The following MDN1 variants were observed in gnomAD, a reference collection of about 807,000 sequenced individuals.
The protein encoded by MDN1 is midasin AAA ATPase 1.
Under a neutral mutation model 669.2 loss-of-function variants are expected in MDN1, and 266 were observed. That is an observed-to-expected ratio of 0.40 (90% CI 0.36 to 0.44). MDN1 has a LOEUF of 0.44. MDN1 is among the 20% of genes least tolerant of loss of function. The pLI, the probability that MDN1 is intolerant of heterozygous loss-of-function variation, is 1.00. For missense variants in MDN1, 5,940 were observed against 6,754.0 expected, an observed-to-expected ratio of 0.88 and a Z score of 4.22; for synonymous variants, 2,385 against 2,457.1, an observed-to-expected ratio of 0.97 and a Z score of 0.87.
At chr6:89,649,655 AT>A (rs201350197) in intron 97 of MDN1, among the ~76,000 whole-genome samples, 51 of 151,262 alleles carry the variant, frequency 3.4e-4, no homozygotes, top group African/African-American at 1.0e-3. Flanking sequence ...GAAAACTTTG[AT>A]TTTTTTTTTA....
chr6:89,802,324 C>T (rs1216201954), intron 2 of MDN1, among the ~76,000 whole-genome samples: 2 of 152,182 alleles, frequency 1.3e-5, no homozygotes, highest in African/African-American at 4.8e-5. Context: ...AGATATCATA[C>T]TTCCAAGAAA....
At chr6:89,803,290 C>T (rs372323249) in intron 2 of MDN1, 38 bp downstream of exon 2, 11 of 1,572,342 alleles carry the variant, frequency 7.0e-6, no homozygotes, top group South Asian at 6.6e-5. Flanking sequence ...GGTTCTATCA[C>T]CTCAAGGAGA....
chr6:89,710,959 T>A (rs1323495464), intron 49 of MDN1, among the ~76,000 whole-genome samples, 165 bp from the exon 50 acceptor site: 1 of 152,246 alleles, frequency 6.6e-6, no homozygotes, highest in African/African-American at 2.4e-5. Context: ...TTTATTTTTT[T>A]AAATCTAATC....
Position 89,706,159 on chromosome 6 carries a change from A to T in MDN1, c.8048T>A (p.Ile2683Asn). Residue 2683 changes from isoleucine to asparagine, a missense_variant, in exon 53 of 102, where the codon ATT (isoleucine) becomes AAT (asparagine). Around this residue, in one of 5 missense-constraint regions of MDN1, gnomAD observed 2,292 missense variants for 2,638.3 expected, o/e 0.87. Transcript: ENST00000369393. ...PESYHTLPHE[I>N]VVNLAAFFEL... The stretch of plus-strand genomic sequence containing the variant: ...AAAAAAAGCAGCAAGATTGACCACA[A>T]TTTCATGGGGCAGAGTGTGATAGCT... The T allele has an allele frequency of 3.1e-6, 5 of 1,613,774 alleles. No individual in the cohort carries two copies. The highest frequency in any genetic ancestry group is 4.2e-6 in the Non-Finnish European group (5 of 1,179,742).
chr6:89,674,606 A>C lies in MDN1; in HGVS notation c.12762-17T>G. The C allele has an allele frequency of 1.3e-6, 2 of 1,512,860 alleles. No homozygotes were observed. The highest frequency in any genetic ancestry group is 1.8e-6 in the Non-Finnish European group (2 of 1,139,022). 93.7% of individuals were successfully genotyped at this position (1,512,860 alleles called of 1,614,324 possible). A position where few individuals can be genotyped will look rare whatever the true frequency, so the allele number is the denominator to read the frequency against. The stretch of plus-strand genomic sequence containing the variant: ...AGGAGGTTCCTGTACAGAGAAACCC[A>C]TGGGAAAAACACAATGAATGGCACC... On this transcript the variant is annotated splice_polypyrimidine_tract_variant and intron_variant, in intron 78 of 101. Coordinates refer to ENST00000369393, the MANE Select transcript of MDN1 (RefSeq NM_014611.3).
rs115109037 is a variant in MDN1 at position 89,714,672 on chromosome 6, C to G, written c.6940G>C (p.Gly2314Arg). ...TCTGGGGTGCTTGCATCCCCTTCCC[C>G]TGAAATGTAGATTTCAAGTCCACGA... is the stretch of plus-strand genomic sequence containing the variant. ...RNRGLEIYIS[G>R]EGDASTPDNL... Residue 2314 changes from glycine to arginine, a missense_variant, in exon 46 of 102, where the codon GGG becomes CGG. Transcript: ENST00000369393. 1.9e-4 allele frequency: 302 copies of G among 1,614,114 alleles called. 2 individuals are homozygous for G. The African/African-American group carries it at 3.6e-3, about 19-fold the overall frequency.
At chr6:89,737,943 C>T (rs1002705241) in intron 33 of MDN1, among the ~76,000 whole-genome samples, 17 of 152,062 alleles carry the variant, frequency 1.1e-4, no homozygotes, top group African/African-American at 3.9e-4. Context: ...AGGCTGCTCT[C>T]GAACTCCTGA....
In MDN1 at chr6:89,678,623, G is replaced by T; in HGVS notation, c.12388C>A (p.Leu4130Ile). The T allele has an allele frequency of 4.3e-6, 7 of 1,614,082 alleles. No individual in the cohort carries two copies. The highest frequency in any genetic ancestry group is 5.9e-6 in the Non-Finnish European group (7 of 1,179,998). ...CCAATTTTTGCAAGGTGTTTAAAGA[G>T]GTCTGACAAAGCTCGCTGTTTTTGC... is the stretch of plus-strand genomic sequence containing the variant. ...LMQKQRALSDLFKHLAKIGLS... is the reference protein window; with the variant it reads ...LMQKQRALSDIFKHLAKIGLS... The change falls in exon 75 of 102, where the codon CTC (leucine) becomes ATC (isoleucine). Residue 4130 changes from leucine (L) to isoleucine (I), a missense_variant. Leu to Ile is a conservative substitution (Grantham distance 5). This residue lies in a region of MDN1 where 2,280 missense variants were observed against 2,576.3 expected (regional missense o/e 0.88). Coordinates refer to ENST00000369393, the MANE Select transcript of MDN1 (RefSeq NM_014611.3).
chr6:89,792,815 C>T (rs984643657), intron 5 of MDN1, among the ~76,000 whole-genome samples: 5 of 151,650 alleles, frequency 3.3e-5, no homozygotes, highest in Non-Finnish European at 7.4e-5. Flanking sequence ...GTCAGGCATT[C>T]GAGACCAGGC....
chr6:89,782,519 G>C (rs1818728410), intron 9 of MDN1, among the ~76,000 whole-genome samples: 1 of 151,974 alleles, frequency 6.6e-6, no homozygotes, highest in Non-Finnish European at 1.5e-5. Context: ...CTAAGCCTGA[G>C]AGGTTGAGGC....
At chr6:89,678,322 C>T (rs1396873632) in intron 75 of MDN1, among the ~76,000 whole-genome samples, 2 of 152,038 alleles carry the variant, frequency 1.3e-5, no homozygotes, top group Non-Finnish European at 2.9e-5. Context: ...CAGAGCGAGA[C>T]TCAGTCTCAA....
At chr6:89,691,408 C>A (rs1812370268) in intron 63 of MDN1, among the ~76,000 whole-genome samples, 1 of 152,194 alleles carries the variant, frequency 6.6e-6, no homozygotes, top group East Asian at 1.9e-4. Context: ...AAGCACCCAC[C>A]ATCTAGGAAG....
At chr6:89,739,033 T>G (rs1316583366) in intron 32 of MDN1, among the ~76,000 whole-genome samples, 1 of 152,238 alleles carries the variant, frequency 6.6e-6, no homozygotes, top group Non-Finnish European at 1.5e-5. Flanking sequence ...ATGTTTGCAA[T>G]GCCACATAAG....
At chr6:89,668,232 C>A (rs1041372857) in intron 83 of MDN1, 81 bp from the exon 84 acceptor site, 6 of 1,522,738 alleles carry the variant, frequency 3.9e-6, no homozygotes, top group Non-Finnish European at 5.4e-6. Flanking sequence ...CACAGGAAAA[C>A]AATTTAAACA....
Position 89,643,863 on chromosome 6 carries a change from G to C in MDN1, c.*142C>G. 1 of 736,732 alleles carries C rather than the reference G, an allele frequency of 1.4e-6. No homozygotes were observed. Among genetic ancestry groups the C allele is most frequent in the Non-Finnish European group, 2.0e-6 (1 of 488,432 alleles). 45.6% of individuals were successfully genotyped at this position (736,732 alleles called of 1,614,324 possible). On this transcript the variant is annotated 3_prime_UTR_variant, in exon 102 of 102. Coordinates refer to ENST00000369393, the MANE Select transcript of MDN1 (RefSeq NM_014611.3). ...CCCAGGCAAAGCCGGGAGCCAGAGA[G>C]CATTCTGTAGGCTGTAAGATCACGT...
intron 12 of MDN1, among the ~76,000 whole-genome samples, 162 bp from the exon 13 acceptor site, chr6:89,774,895 T>C (rs953863492): frequency 5.3e-5 from 8 of 152,218 alleles, no homozygotes; most frequent in Admixed American, 4.6e-4. Context: ...TCTTTTTTCA[T>C]TTTCCAAACT....
intron 68 of MDN1, 120 bp from the exon 69 acceptor site, chr6:89,687,143 C>A: frequency 7.2e-7 from 1 of 1,394,524 alleles, no homozygotes; most frequent in Non-Finnish European, 9.8e-7. Flanking sequence ...GAGGAGCCAC[C>A]CAGTTTCCTC....
chr6:89,781,840 A>G (rs1818689786), intron 9 of MDN1, among the ~76,000 whole-genome samples: 2 of 152,150 alleles, frequency 1.3e-5, no homozygotes, highest in African/African-American at 4.8e-5. Context: ...AAATACAAAC[A>G]TGGGCACGGT....
intron 14 of MDN1, 146 bp from the exon 15 acceptor site, chr6:89,771,767 G>GGCGA: frequency 1.5e-5 from 10 of 671,602 alleles, no homozygotes; most frequent in South Asian, 6.0e-5. Context: ...GGAGTGCAGT[G>GGCGA]GCCCAATCAT....
Sources: allele counts gnomAD v4.1 joint callset (sites outside exome capture counted in the v4.1 genomes callset), GRCh38; gene constraint gnomAD v4.1.1; regional missense constraint gnomAD v4.1.1; transcripts MANE v1.5; gene names NCBI Gene and HGNC (gene_info 2026-07-23, HGNC 2026-07-21).